Variants in TMEM132D observed in about 807,000 individuals in gnomAD.
TMEM132D encodes the protein mature OL transmembrane protein.
Under a neutral mutation model 62.3 loss-of-function variants are expected in TMEM132D, and 21 were observed. The observed-to-expected ratio is 0.34, with a 90% CI of 0.24 to 0.49. The LOEUF (loss-of-function observed/expected upper bound fraction) is 0.49. TMEM132D is among the 20% of genes least tolerant of loss of function. The pLI, the probability that TMEM132D is intolerant of heterozygous loss-of-function variation, is 0.99. For synonymous variants in TMEM132D, 621 were observed against 575.6 expected (o/e 1.08, Z -1.13); for missense variants, 1,346 against 1,402.8 (o/e 0.96, Z 0.65).
At chr12:129,487,444 G>T (rs1203529524) in intron 3 of TMEM132D, among the ~76,000 whole-genome samples, 1 of 152,176 alleles carries the variant, frequency 6.6e-6, no homozygotes, top group Non-Finnish European at 1.5e-5. Context: ...GAGGAAGACT[G>T]GTTAGGACAA....
chr12:129,340,376 T>C (rs1003924232), intron 3 of TMEM132D, among the ~76,000 whole-genome samples: 1 of 151,904 alleles, frequency 6.6e-6, no homozygotes, highest in African/African-American at 2.4e-5. Context: ...GTTACATATG[T>C]ATACATGTGC....
At chr12:129,793,684 A>T (rs1871468858) in intron 1 of TMEM132D, among the ~76,000 whole-genome samples, 1 of 152,224 alleles carries the variant, frequency 6.6e-6, no homozygotes, top group Non-Finnish European at 1.5e-5. Flanking sequence ...AATATTTTTA[A>T]ATCTCTGATA....
chr12:129,191,892 A>G (rs1394803376), intron 5 of TMEM132D, among the ~76,000 whole-genome samples: 1 of 152,232 alleles, frequency 6.6e-6, no homozygotes, highest in Non-Finnish European at 1.5e-5. Flanking sequence ...AGTGGCTTGC[A>G]TGTATCAGAA....
chr12:129,124,259 A>G (rs1416533963), intron 5 of TMEM132D, among the ~76,000 whole-genome samples: 2 of 152,114 alleles, frequency 1.3e-5, no homozygotes, highest in Non-Finnish European at 2.9e-5. Context: ...TCTAATGAAG[A>G]CTAATCTCAC....
chr12:129,474,033 G>A (rs1297241084), intron 3 of TMEM132D, among the ~76,000 whole-genome samples: 1 of 152,170 alleles, frequency 6.6e-6, no homozygotes, highest in African/African-American at 2.4e-5. Flanking sequence ...TAAACATGCA[G>A]TGACTGGCAA....
chr12:129,752,700 C>T (rs751411980), intron 1 of TMEM132D, among the ~76,000 whole-genome samples: 4 of 152,128 alleles, frequency 2.6e-5, no homozygotes, highest in Non-Finnish European at 4.4e-5. Context: ...ACTAAACTTG[C>T]GGGAAAGGAC....
chr12:129,586,221 A>C (rs944813567), intron 2 of TMEM132D, among the ~76,000 whole-genome samples: 1 of 150,366 alleles, frequency 6.7e-6, no homozygotes, highest in Non-Finnish European at 1.5e-5. Flanking sequence ...TGTGATGGGA[A>C]TCATGTAAGC....
chr12:129,342,062 T>C lies in TMEM132D; in HGVS notation c.1116-4245A>G, dbSNP rs536853844. 7.0e-4 allele frequency among the ~76,000 whole-genome samples: 107 copies of C among 152,224 alleles called. 1 individual carries two copies. The highest frequency in any genetic ancestry group is 2.5e-3 in the African/African-American group (105 of 41,534). On this transcript the variant is annotated intron_variant, in intron 3 of 8. Transcript: ENST00000422113. The stretch of plus-strand genomic sequence containing the variant: ...GCTACCAATGACTTTCTTCATAGAA[T>C]TGGAAATAACTACTTTAAAGTTCAT...
At chr12:129,535,770 T>TTGTGTGTG (rs112963742) in intron 2 of TMEM132D, among the ~76,000 whole-genome samples, 4 of 122,882 alleles carry the variant, frequency 3.3e-5, no homozygotes, top group East Asian at 2.4e-4. Flanking sequence ...CATTTAAGAT[T>TTGTGTGTG]TGTGTGCGTG....
intron 5 of TMEM132D, among the ~76,000 whole-genome samples, chr12:129,190,122 G>GCA (rs1433450803): frequency 3.5e-4 from 6 of 17,232 alleles, no homozygotes; most frequent in East Asian, 0.01. Context: ...GGGGTCTTGG[G>GCA]GGCCTGCAGA....
chr12:129,083,680 C>G (rs1315341330), intron 6 of TMEM132D, among the ~76,000 whole-genome samples: 1 of 152,172 alleles, frequency 6.6e-6, no homozygotes, highest in East Asian at 1.9e-4. Context: ...ATTCTCCACC[C>G]CCTGCTGAGT....
chr12:129,581,566 G>A (rs1387469046), intron 2 of TMEM132D, among the ~76,000 whole-genome samples: 1 of 151,992 alleles, frequency 6.6e-6, no homozygotes, highest in Non-Finnish European at 1.5e-5. Flanking sequence ...AAAAGCTGAA[G>A]AACATGCAGC....
At chr12:129,514,521 T>C (rs958751643) in intron 3 of TMEM132D, among the ~76,000 whole-genome samples, 1 of 152,190 alleles carries the variant, frequency 6.6e-6, no homozygotes, top group African/African-American at 2.4e-5. Context: ...ACATCAATAG[T>C]ATGTGCACCC....
At chr12:129,432,251 T>A (rs1379653912) in intron 3 of TMEM132D, among the ~76,000 whole-genome samples, 3 of 138,044 alleles carry the variant, frequency 2.2e-5, no homozygotes, top group Non-Finnish European at 3.1e-5. Context: ...GGATGGTTGC[T>A]TGGATGGATG....
chr12:129,825,056 C>A (rs1257079747), intron 1 of TMEM132D, among the ~76,000 whole-genome samples: 5 of 151,368 alleles, frequency 3.3e-5, no homozygotes, highest in Admixed American at 6.6e-5. Flanking sequence ...CTCTGTCACC[C>A]AGGCTGGAGT....
chr12:129,266,940 T>C (rs898096932), intron 4 of TMEM132D, among the ~76,000 whole-genome samples: 5 of 152,242 alleles, frequency 3.3e-5, no homozygotes, highest in African/African-American at 1.2e-4. Context: ...GTCTGTTTTT[T>C]ACCCAGCACC....
chr12:129,752,517 T>C (rs1047283295), intron 1 of TMEM132D, among the ~76,000 whole-genome samples: 3 of 152,172 alleles, frequency 2.0e-5, no homozygotes, highest in African/African-American at 4.8e-5. Context: ...CATCCTTCCA[T>C]GAGATTTGGA....
intron 1 of TMEM132D, among the ~76,000 whole-genome samples, chr12:129,764,669 A>G (rs752736633): frequency 2.0e-5 from 3 of 152,162 alleles, no homozygotes. Flanking sequence ...GCCTGGGCAC[A>G]GTAGGTTATA....
chr12:129,722,734 CTTTT>C lies in TMEM132D; in HGVS notation c.80-22040_80-22037del, dbSNP rs762354271. Among the ~76,000 whole-genome samples the C allele has an allele frequency of 8.1e-3, 299 of 36,842 alleles. 18 individuals carry two copies. Among genetic ancestry groups the C allele is most frequent in the East Asian group, 0.047 (35 of 738 alleles). 24.2% of individuals were successfully genotyped at this position (36,842 alleles called of 152,430 possible). ...TTTTCATCAATCCTGGCTCCTTTTT[CTTTT>C]TTTCTTTTTTTTTTTTTTTGAGATG... On this transcript the variant is annotated intron_variant, in intron 1 of 8. Transcript: ENST00000422113.
Sources: allele counts gnomAD v4.1 joint callset (sites outside exome capture counted in the v4.1 genomes callset), GRCh38; gene constraint gnomAD v4.1.1; transcripts MANE v1.5; gene names NCBI Gene and HGNC (gene_info 2026-07-23, HGNC 2026-07-21).